Variants in LDB2 observed in about 807,000 individuals in gnomAD.
LDB2 encodes LIM domain-binding protein 2.
A neutral mutation model predicts 44.3 loss-of-function variants in LDB2; 12 were observed. The observed-to-expected ratio is 0.27, with a 90% confidence interval of 0.17 to 0.44. LDB2 has a LOEUF of 0.44. Ranked by LOEUF, LDB2 falls within the 20% of genes least tolerant of loss-of-function variation. LDB2 has a pLI of 1.00. For synonymous variants in LDB2, 164 were observed against 174.8 expected (o/e 0.94, Z 0.49); for missense variants, 344 against 473.5 (o/e 0.73, Z 2.54).
At chr4:16,607,706 C>T (rs1051872868) in intron 2 of LDB2, among the ~76,000 whole-genome samples, 8 of 152,204 alleles carry the variant, frequency 5.3e-5, no homozygotes, top group Non-Finnish European at 1.2e-4. Flanking sequence ...TTGTAATCAT[C>T]AATTTTATTG....
At position 16,554,013 on chromosome 4, in the gene LDB2, C is replaced by A. The variant is rs558266405; in HGVS notation, c.615+31909G>T. 3.9e-5 allele frequency among the ~76,000 whole-genome samples: 6 copies of A among 152,180 alleles called. No individual in the cohort carries two copies. The South Asian group carries it at 1.2e-3, about 32-fold the overall frequency. The stretch of plus-strand genomic sequence containing the variant: ...TCCTCTAGATCTCTCTCTCTTCCCC[C>A]TGACATCCCATTGGACGTATTCATT... On this transcript the variant is annotated intron_variant, in intron 5 of 7. Transcript: ENST00000304523.
chr4:16,602,276 C>T (rs908550409), intron 2 of LDB2, among the ~76,000 whole-genome samples: 1 of 151,980 alleles, frequency 6.6e-6, no homozygotes, highest in African/African-American at 2.4e-5. Flanking sequence ...GGAAGGCTGC[C>T]GTGAAAAAGT....
At chr4:16,560,033 A>C (rs1456092120) in intron 5 of LDB2, among the ~76,000 whole-genome samples, 2 of 152,224 alleles carry the variant, frequency 1.3e-5, no homozygotes, top group Non-Finnish European at 2.9e-5. Context: ...ACAAAGACAC[A>C]ACATACCAGA....
Position 16,838,456 on chromosome 4 carries a change from A to G in LDB2, c.132+59898T>C, listed in dbSNP as rs142842826. ...ACTTTTAAACTTTATTCACAAGCTCACTTGTGGCTCCCTCTTGGCCTTTAA... is the reference window on the plus strand; with the variant it reads ...ACTTTTAAACTTTATTCACAAGCTCGCTTGTGGCTCCCTCTTGGCCTTTAA... On this transcript the variant is annotated intron_variant, in intron 1 of 7. Transcript: ENST00000304523. 2.1e-3 allele frequency among the ~76,000 whole-genome samples: 321 copies of G among 152,308 alleles called. 5 individuals carry two copies. The East Asian group carries it at 0.038, about 18-fold the overall frequency.
At chr4:16,682,017 T>A (rs1748074394) in intron 2 of LDB2, among the ~76,000 whole-genome samples, 1 of 152,156 alleles carries the variant, frequency 6.6e-6, no homozygotes. Context: ...TACAGTAAAA[T>A]GCAGAACTGA....
In LDB2 at chr4:16,892,816, T is replaced by TA. The variant is rs375701187; in HGVS notation, c.132+5537dup. ...GACCCCAAACAAAAAGCTAAATGTT[T>TA]AAAAAATGCATAGCGTTTAAATCCT... On this transcript the variant is annotated intron_variant, in intron 1 of 7. Coordinates refer to ENST00000304523, the MANE Select transcript of LDB2 (RefSeq NM_001290.5). Among the ~76,000 whole-genome samples, 738 of 152,274 alleles carry TA rather than the reference T, an allele frequency of 4.8e-3. 9 individuals are homozygous for TA. The highest frequency in any genetic ancestry group is 0.017 in the African/African-American group (689 of 41,538).
At chr4:16,586,176 C>T (rs1716726797) in intron 4 of LDB2, among the ~76,000 whole-genome samples, 171 bp from the exon 5 acceptor site, 1 of 152,168 alleles carries the variant, frequency 6.6e-6, no homozygotes, top group East Asian at 1.9e-4. Context: ...TTGCATATAA[C>T]ACTCAAGGAC....
chr4:16,714,861 A>G (rs1198435026), intron 2 of LDB2, among the ~76,000 whole-genome samples: 3 of 151,722 alleles, frequency 2.0e-5, no homozygotes, highest in Non-Finnish European at 4.4e-5. Flanking sequence ...ATGCCACACA[A>G]TATCCTCTCC....
intron 1 of LDB2, among the ~76,000 whole-genome samples, chr4:16,773,486 G>A (rs538637376): frequency 6.6e-6 from 1 of 152,314 alleles, no homozygotes; most frequent in South Asian, 2.1e-4. Flanking sequence ...ATTCTCATGA[G>A]AAGCGTGCAA....
chr4:16,638,181 A>G (rs747709135), intron 2 of LDB2, among the ~76,000 whole-genome samples: 1 of 152,168 alleles, frequency 6.6e-6, no homozygotes, highest in Non-Finnish European at 1.5e-5. Context: ...TTGCTAGAAA[A>G]TGTATTAGAA....
intron 3 of LDB2, among the ~76,000 whole-genome samples, chr4:16,593,900 A>G (rs184007901): frequency 6.6e-6 from 1 of 152,342 alleles, no homozygotes; most frequent in Admixed American, 6.5e-5. Context: ...TCGATCTAAA[A>G]CAAGTCCCAA....
chr4:16,603,995 A>G (rs10939674), intron 2 of LDB2, among the ~76,000 whole-genome samples: 58,519 of 151,932 alleles, frequency 0.39, 11,779 homozygotes, highest in East Asian at 0.64. Context: ...CAGACACCCA[A>G]GTGGGCTGAG....
chr4:16,833,700 G>A lies in LDB2; in HGVS notation c.132+64654C>T, dbSNP rs146632091. On this transcript the variant is annotated intron_variant, in intron 1 of 7. Coordinates refer to ENST00000304523, the MANE Select transcript of LDB2 (RefSeq NM_001290.5). ...TGGGACTACCGGCGCATGCCACCAC[G>A]CCCAGCTAATTTTTGTATTTTTAGT... Among the ~76,000 whole-genome samples, 376 of 152,126 alleles carry A rather than the reference G, an allele frequency of 2.5e-3. 5 individuals carry two copies. The East Asian group carries it at 0.037, about 15-fold the overall frequency.
chr4:16,541,002 G>C (rs1380463518), intron 5 of LDB2, among the ~76,000 whole-genome samples: 1 of 152,140 alleles, frequency 6.6e-6, no homozygotes, highest in Non-Finnish European at 1.5e-5. Flanking sequence ...TATAAGGATT[G>C]ATTACATAAT....
At chr4:16,522,276 TTG>T (rs139556977) in intron 5 of LDB2, among the ~76,000 whole-genome samples, 71 of 150,298 alleles carry the variant, frequency 4.7e-4, no homozygotes, top group African/African-American at 1.3e-3. Flanking sequence ...GTGTGTGTGT[TTG>T]TGTGTGTGTG....
intron 5 of LDB2, among the ~76,000 whole-genome samples, chr4:16,559,254 A>G (rs1741070238): frequency 6.6e-6 from 1 of 152,246 alleles, no homozygotes; most frequent in Admixed American, 6.5e-5. Context: ...GCTCCAATTA[A>G]AAGACACAGA....
intron 1 of LDB2, among the ~76,000 whole-genome samples, chr4:16,844,835 T>C (rs1046511909): frequency 1.3e-5 from 2 of 152,214 alleles, no homozygotes; most frequent in Non-Finnish European, 2.9e-5. Context: ...AATGTTTTCT[T>C]CCACCTGCAC....
intron 1 of LDB2, among the ~76,000 whole-genome samples, chr4:16,801,757 A>G (rs1777880649): frequency 6.6e-6 from 1 of 152,224 alleles, no homozygotes; most frequent in Non-Finnish European, 1.5e-5. Flanking sequence ...ATAATAGACA[A>G]TCTTTATTTA....
At chr4:16,700,647 T>C (rs908883464) in intron 2 of LDB2, among the ~76,000 whole-genome samples, 14 of 152,332 alleles carry the variant, frequency 9.2e-5, no homozygotes, top group African/African-American at 3.1e-4. Flanking sequence ...AGCCAGACCC[T>C]GTGGTGAGAA....
Sources: allele counts gnomAD v4.1 joint callset (sites outside exome capture counted in the v4.1 genomes callset), GRCh38; gene constraint gnomAD v4.1.1; transcripts MANE v1.5; gene names NCBI Gene and HGNC (gene_info 2026-07-23, HGNC 2026-07-21).